Variants in CMPK2 observed in about 807,000 individuals in gnomAD.
CMPK2 encodes UMP-CMP kinase 2, mitochondrial.
CMPK2 carries 32 observed loss-of-function variants against 33.4 expected under a neutral mutation model. That is an observed-to-expected ratio of 0.96 (90% confidence interval 0.72 to 1.29). The LOEUF is 1.29. Ranked by LOEUF, CMPK2 falls within the 50% of genes most tolerant of loss-of-function variation. The probability of loss-of-function intolerance (pLI) is 0.00; values close to 1 mark genes in which losing one functional copy is unlikely to be tolerated. For synonymous variants in CMPK2, 299 were observed against 275.3 expected, an observed-to-expected ratio of 1.09 and a Z score of -0.85; for missense variants, 672 against 616.0, an observed-to-expected ratio of 1.09 and a Z score of -0.96.
At chr2:6,842,961 C>G (rs890380023) in intron 3 of CMPK2, among the ~76,000 whole-genome samples, 1 of 152,070 alleles carries the variant, frequency 6.6e-6, no homozygotes, top group Non-Finnish European at 1.5e-5. Flanking sequence ...CCACTACCTG[C>G]TAGAAAATTA....
chr2:6,854,594 A>G (rs1662627952), intron 3 of CMPK2, among the ~76,000 whole-genome samples: 1 of 152,202 alleles, frequency 6.6e-6, no homozygotes, highest in African/African-American at 2.4e-5. Context: ...CTCCCATTGA[A>G]AATACGGCTG....
Position 6,865,052 on chromosome 2 carries a change from G to A in CMPK2, c.645C>T (p.Asp215=), listed in dbSNP as rs982198169. Residue 215 remains aspartate (D), a synonymous_variant, in exon 1 of 5, where the codon GAC becomes GAT. Coordinates refer to ENST00000256722, the MANE Select transcript of CMPK2 (RefSeq NM_207315.4). ...PDLPSSVVFP[D]REAARAVLEE... ...CCAAAACGGCCCGGGCGGCTTCCCG[G>A]TCCGGGAAGACCACGGAACTGGGCA... 2.7e-5 allele frequency: 39 copies of A among 1,437,730 alleles called. 1 individual carries two copies. Among genetic ancestry groups the A allele is most frequent in the Non-Finnish European group, 3.5e-5 (38 of 1,094,708 alleles). 89.1% of individuals were successfully genotyped at this position (1,437,730 alleles called of 1,614,324 possible).
intron 4 of CMPK2, chr2:6,850,595 TCTC>T (rs1183196230): frequency 9.5e-6 from 3 of 315,648 alleles, no homozygotes; most frequent in Non-Finnish European, 1.4e-5. Context: ...TCAAATCTCT[TCTC>T]CTCTCTGTGT....
At position 6,848,622 on chromosome 2, in the gene CMPK2, A is replaced by G. The variant is rs1662421171; in HGVS notation, c.*1228T>C. 1.0e-6 allele frequency: 1 copy of G among 967,326 alleles called. No homozygotes were observed. Among genetic ancestry groups the G allele is most frequent in the Non-Finnish European group, 1.2e-6 (1 of 813,182 alleles). The allele number at this position is 967,326 out of a possible 1,614,324, so 59.9% of individuals were successfully genotyped here. ...ATTTAAGATTCTATATGCAGACCTG[A>G]TAAAGCCTTAAATTTAATTATTTTG... On this transcript the variant is annotated 3_prime_UTR_variant, in exon 5 of 5. Coordinates refer to ENST00000256722, the MANE Select transcript of CMPK2 (RefSeq NM_207315.4).
At chr2:6,859,690 C>T (rs569110775) in intron 3 of CMPK2, among the ~76,000 whole-genome samples, 8 of 152,210 alleles carry the variant, frequency 5.3e-5, no homozygotes, top group Non-Finnish European at 8.8e-5. Flanking sequence ...TATGGAAATG[C>T]CTGGATGTCC....
At chr2:6,845,645 A>C (rs1319402354), downstream of CMPK2, among the ~76,000 whole-genome samples, 1 of 152,154 alleles carries the variant, frequency 6.6e-6, no homozygotes, top group African/African-American at 2.4e-5. Context: ...AAAGGCTCCC[A>C]AAGTACCCTA....
At chr2:6,852,897 G>A (rs569465344) in intron 3 of CMPK2, among the ~76,000 whole-genome samples, 6 of 152,220 alleles carry the variant, frequency 3.9e-5, no homozygotes, top group South Asian at 2.1e-4. Flanking sequence ...ACATTCCAAC[G>A]TAGAGATACC....
chr2:6,862,471 G>C (rs1374607760), intron 2 of CMPK2, among the ~76,000 whole-genome samples: 1 of 152,196 alleles, frequency 6.6e-6, no homozygotes, highest in East Asian at 1.9e-4. Flanking sequence ...ATGTGTGGAT[G>C]CTTGTGTTGA....
At chr2:6,852,904 T>C (rs1662565973) in intron 3 of CMPK2, among the ~76,000 whole-genome samples, 2 of 152,200 alleles carry the variant, frequency 1.3e-5, no homozygotes, top group South Asian at 4.1e-4. Flanking sequence ...AACGTAGAGA[T>C]ACCCAGGGGC....
At chr2:6,845,558 A>C (rs761573343), downstream of CMPK2, among the ~76,000 whole-genome samples, 1 of 152,200 alleles carries the variant, frequency 6.6e-6, no homozygotes, top group African/African-American at 2.4e-5. Context: ...AGGAGCCAGT[A>C]GGGCAGGACT....
downstream of CMPK2, among the ~76,000 whole-genome samples, chr2:6,848,103 C>G (rs2103216171): frequency 6.6e-6 from 1 of 152,258 alleles, no homozygotes; most frequent in Non-Finnish European, 1.5e-5. Flanking sequence ...TACAAAATGT[C>G]TTTAATATTT....
At chr2:6,842,733 G>A (rs1662262871) in intron 3 of CMPK2, among the ~76,000 whole-genome samples, 1 of 152,170 alleles carries the variant, frequency 6.6e-6, no homozygotes, top group African/African-American at 2.4e-5. Context: ...CTTTTATAAG[G>A]TGATATGAAG....
In CMPK2 at chr2:6,849,915, G is replaced by C; in HGVS notation, c.1285C>G (p.Pro429Ala). 2 of 1,614,104 alleles carry C rather than the reference G, an allele frequency of 1.2e-6. No homozygotes were observed. The highest frequency in any genetic ancestry group is 8.5e-7 in the Non-Finnish European group (1 of 1,180,016). ...GTCTGCAGGACCTTTTCTCTGGAGG[G>C]GCTGGCATCAACCACATGGCAGCCA... is the stretch of plus-strand genomic sequence containing the variant. ...NPGCHVVDAS[P>A]SREKVLQTVL... is the part of the protein sequence containing the mutation. Residue 429 changes from proline (P) to alanine (A), a missense_variant, in exon 5 of 5, where the codon CCC becomes GCC. Coordinates refer to ENST00000256722, the MANE Select transcript of CMPK2 (RefSeq NM_207315.4).
At chr2:6,852,982 C>T (rs563799669) in intron 3 of CMPK2, among the ~76,000 whole-genome samples, 16 of 152,208 alleles carry the variant, frequency 1.1e-4, no homozygotes, top group Non-Finnish European at 1.9e-4. Flanking sequence ...TGGAGTCTCA[C>T]TCTGTTGCCC....
chr2:6,848,062 T>C (rs889930487), downstream of CMPK2, among the ~76,000 whole-genome samples: 1 of 152,202 alleles, frequency 6.6e-6, no homozygotes, highest in Admixed American at 6.5e-5. Flanking sequence ...CCTATCAGTA[T>C]ATAAAAAGTC....
chr2:6,842,896 T>C (rs1662267501), intron 3 of CMPK2, among the ~76,000 whole-genome samples: 1 of 152,198 alleles, frequency 6.6e-6, no homozygotes, highest in African/African-American at 2.4e-5. Flanking sequence ...AGACTAGACC[T>C]AGGTACCTTA....
intron 3 of CMPK2, among the ~76,000 whole-genome samples, chr2:6,855,346 T>TGCC (rs1662656181): frequency 6.7e-6 from 1 of 150,116 alleles, no homozygotes; most frequent in African/African-American, 2.5e-5. Flanking sequence ...CCCCTGCCTC[T>TGCC]CTCTCTCTCT....
At chr2:6,861,673 C>T (rs1357917090) in intron 2 of CMPK2, among the ~76,000 whole-genome samples, 1 of 152,164 alleles carries the variant, frequency 6.6e-6, no homozygotes, top group East Asian at 1.9e-4. Flanking sequence ...TACTGCTCAC[C>T]CTCTTACCAT....
At position 6,865,112 on chromosome 2, in the gene CMPK2, G is replaced by C. The variant is rs1304817292; in HGVS notation, c.585C>G (p.Val195=). ...LQVGCAQVVP[V]PEPPLHPVVP... is the part of the protein sequence containing the mutation. ...CCACCGGGTGCAGCGGGGGCTCCGG[G>C]ACGGGCACGACCTGTGCGCAGCCCA... Residue 195 remains valine (V), a synonymous_variant, in exon 1 of 5, where the codon GTC becomes GTG. Coordinates refer to ENST00000256722, the MANE Select transcript of CMPK2 (RefSeq NM_207315.4). The C allele has an allele frequency of 1.3e-6, 2 of 1,507,336 alleles. No individual in the cohort carries two copies. Among genetic ancestry groups the C allele is most frequent in the South Asian group, 2.5e-5 (2 of 79,310 alleles). 93.4% of individuals were successfully genotyped at this position (1,507,336 alleles called of 1,614,324 possible).
Sources: allele counts gnomAD v4.1 joint callset (sites outside exome capture counted in the v4.1 genomes callset), GRCh38; gene constraint gnomAD v4.1.1; transcripts MANE v1.5; gene names NCBI Gene and HGNC (gene_info 2026-07-23, HGNC 2026-07-21).